Variants in SNRNP35 observed in about 807,000 individuals in gnomAD.
SNRNP35 encodes the protein U11/U12 small nuclear ribonucleoprotein 35 kDa protein.
Under a neutral mutation model 24.3 loss-of-function variants are expected in SNRNP35, and 16 were observed. The ratio of observed to expected loss-of-function variants is 0.66; its 90% CI spans 0.45 to 1.00. The LOEUF (loss-of-function observed/expected upper bound fraction) is 1.00, where lower values mean the gene tolerates loss of function less well. SNRNP35 is among the 50% of genes least tolerant of loss of function. SNRNP35 has a pLI of 0.00. For missense variants in SNRNP35, 292 were observed against 327.2 expected, an observed-to-expected ratio of 0.89 and a Z score of 0.83; for synonymous variants, 106 against 124.8, an observed-to-expected ratio of 0.85 and a Z score of 1.00.
chr12:123,468,771 T>C (rs1881067729), downstream of SNRNP35, among the ~76,000 whole-genome samples: 1 of 152,164 alleles, frequency 6.6e-6, no homozygotes, highest in Non-Finnish European at 1.5e-5. Flanking sequence ...GTGGTGACTT[T>C]GAAAGAAAAA....
intron 1 of SNRNP35, among the ~76,000 whole-genome samples, chr12:123,462,908 A>G (rs912140894): frequency 1.3e-5 from 2 of 152,170 alleles, no homozygotes; most frequent in Non-Finnish European, 2.9e-5. Context: ...CTCCCCCTAT[A>G]TAACCCATCA....
chr12:123,464,897 C>G (rs1394436934), intron 1 of SNRNP35: 1 of 152,162 alleles, frequency 6.6e-6, no homozygotes, highest in East Asian at 1.9e-4. Context: ...CCTGTTTTCT[C>G]TTGTAGTTTT....
downstream of SNRNP35, among the ~76,000 whole-genome samples, chr12:123,467,535 C>T (rs554668638): frequency 2.8e-4 from 42 of 152,168 alleles, no homozygotes; most frequent in Non-Finnish European, 5.1e-4. Flanking sequence ...CTTCTGAGGA[C>T]TTTGAGCAAG....
In SNRNP35 at chr12:123,465,595, A is replaced by G. The variant is rs1593516405; in HGVS notation, c.55A>G (p.Ile19Val). Residue 19 changes from isoleucine to valine, a missense_variant, in exon 2 of 2, where the codon ATT (isoleucine) becomes GTT (valine). Transcript: ENST00000526639. This position sits in a 1 kb window ranked among gnomAD's most constrained non-coding sequence, Gnocchi z 4.2. Reference protein sequence around the residue: ...KEYDPLKAGSIDGTDEDPHDR... With the variant: ...KEYDPLKAGSVDGTDEDPHDR... Reference sequence around the variant, plus strand: ...GTATGATCCACTCAAAGCGGGCAGCATTGATGGCACCGATGAAGACCCACA... The same window carrying G: ...GTATGATCCACTCAAAGCGGGCAGCGTTGATGGCACCGATGAAGACCCACA... 6.2e-7 allele frequency: 1 copy of G among 1,600,646 alleles called. No homozygotes were observed. Among genetic ancestry groups the G allele is most frequent in the Non-Finnish European group, 8.5e-7 (1 of 1,173,854 alleles).
chr12:123,468,196 TAAAAATACA>T (rs1438528649), downstream of SNRNP35, among the ~76,000 whole-genome samples: 1 of 150,880 alleles, frequency 6.6e-6, no homozygotes, highest in East Asian at 2.0e-4. Context: ...CCATCCCTAC[TAAAAATACA>T]AAAATTAACT....
At chr12:123,464,823 C>G (rs1880853748) in intron 1 of SNRNP35, 1 of 152,212 alleles carries the variant, frequency 6.6e-6, no homozygotes, top group African/African-American at 2.4e-5. Flanking sequence ...AACCCGCTCC[C>G]GCTGCTGGGT....
exon 2 of SNRNP35, chr12:123,472,621 G>A: frequency 3.1e-6 from 5 of 1,589,296 alleles, no homozygotes; most frequent in Non-Finnish European, 4.3e-6. Flanking sequence ...AAGGACTCCT[G>A]GATGTGCACG....
In SNRNP35 at chr12:123,465,471, T is replaced by A. The variant is rs1459100454; in HGVS notation, c.-3-67T>A. The A allele has an allele frequency of 1.6e-5, 23 of 1,479,762 alleles. 1 individual carries two copies. The East Asian group carries it at 4.2e-4, about 27-fold the overall frequency. The allele number at this position is 1,479,762 out of a possible 1,614,324, so 91.7% of individuals were successfully genotyped here. A position where few individuals can be genotyped will look rare whatever the true frequency, so the allele number is the denominator to read the frequency against. ...AATGATAGTATCCTTTTCATGGCATTGTTGTAAGGGTTGAATGAGTGGCTC... is the reference window on the plus strand; with the variant it reads ...AATGATAGTATCCTTTTCATGGCATAGTTGTAAGGGTTGAATGAGTGGCTC... On this transcript the variant is annotated intron_variant, in intron 1 of 1. Coordinates refer to ENST00000526639, the MANE Select transcript of SNRNP35 (RefSeq NM_022717.4). This position sits in a 1 kb window ranked among gnomAD's most constrained non-coding sequence, Gnocchi z 4.2.
In SNRNP35 at chr12:123,466,215, G is replaced by GGA; in HGVS notation, c.685_686dup (p.Asp230GlyfsTer44). The GGA allele has an allele frequency of 1.3e-6, 2 of 1,565,596 alleles. No individual in the cohort carries two copies. Among genetic ancestry groups the GGA allele is most frequent in the Admixed American group, 2.0e-5 (1 of 50,320 alleles). ...CCAGGGTGTGGCCCGACAATGACTG[G>GGA]GAGAGAGAGAGGGACTTCAGAGATG... On this transcript the variant is annotated frameshift_variant, in exon 2 of 2. Transcript: ENST00000526639. LOFTEE classifies it high-confidence loss of function.
downstream of SNRNP35, chr12:123,467,070 C>T (rs1422435014): frequency 6.6e-6 from 1 of 152,216 alleles, no homozygotes; most frequent in Non-Finnish European, 1.5e-5. Flanking sequence ...TCCTCTGAGT[C>T]CTTAGAGGAA....
At chr12:123,462,738 G>A (rs553701118) in intron 1 of SNRNP35, among the ~76,000 whole-genome samples, 2 of 151,966 alleles carry the variant, frequency 1.3e-5, no homozygotes, top group South Asian at 2.1e-4. Flanking sequence ...TGATCCTCCC[G>A]TCTTGGCCTC....
intron 1 of SNRNP35, chr12:123,459,764 G>C: frequency 1.5e-6 from 2 of 1,377,952 alleles, no homozygotes; most frequent in Non-Finnish European, 1.0e-6. Context: ...TCCAGCCTGG[G>C]TGACAGAGTG....
Position 123,465,735 on chromosome 12 carries a change from CAAATT to C in SNRNP35, c.199_203del (p.Leu67GlyfsTer8). ...GACTAAACTTGCAGACCAAGGAGGA[CAAATT>C]AAAGGAAGTCTTTTCCCGCTATGGT... On this transcript the variant is annotated frameshift_variant, in exon 2 of 2. Transcript: ENST00000526639. LOFTEE classifies it high-confidence loss of function. This position sits in a 1 kb window ranked among gnomAD's most constrained non-coding sequence, Gnocchi z 4.2. 6.2e-7 allele frequency: 1 copy of C among 1,613,814 alleles called. No individual in the cohort carries two copies. Among genetic ancestry groups the C allele is most frequent in the East Asian group, 2.2e-5 (1 of 44,878 alleles).
At chr12:123,468,174 C>T (rs1008493225), downstream of SNRNP35, among the ~76,000 whole-genome samples, 1 of 150,684 alleles carries the variant, frequency 6.6e-6, no homozygotes, top group Non-Finnish European at 1.5e-5. Context: ...TCCTGGCCAA[C>T]ATGGTAAAGC....
exon 2 of SNRNP35, chr12:123,472,387 C>G: frequency 1.3e-6 from 1 of 758,928 alleles, no homozygotes; most frequent in Non-Finnish European, 2.1e-6. Context: ...TTTTCAATGT[C>G]CATCCTCAAA....
At chr12:123,463,777 T>A (rs922067061) in intron 1 of SNRNP35, among the ~76,000 whole-genome samples, 25 of 151,676 alleles carry the variant, frequency 1.6e-4, no homozygotes, top group East Asian at 7.8e-4. Context: ...TTTTATTTTT[T>A]TTTTTGAGAC....
Position 123,465,502 on chromosome 12 carries a change from A to G in SNRNP35, c.-3-36A>G. ...AAGGGTTGAATGAGTGGCTCAGAGTAGAGGCTCCATCCACGCTTGCTCTTA... is the reference window on the plus strand; with the variant it reads ...AAGGGTTGAATGAGTGGCTCAGAGTGGAGGCTCCATCCACGCTTGCTCTTA... On this transcript the variant is annotated intron_variant, in intron 1 of 1. Coordinates refer to ENST00000526639, the MANE Select transcript of SNRNP35 (RefSeq NM_022717.4). The surrounding 1 kb of genome is among the most constrained non-coding windows in gnomAD (Gnocchi z 4.2). 6.6e-7 allele frequency: 1 copy of G among 1,518,832 alleles called. No homozygotes were observed. The allele number at this position is 1,518,832 out of a possible 1,614,324, so 94.1% of individuals were successfully genotyped here. A position where few individuals can be genotyped will look rare whatever the true frequency, so the allele number is the denominator to read the frequency against.
chr12:123,472,630 C>G, exon 2 of SNRNP35: 1 of 1,593,344 alleles, frequency 6.3e-7, no homozygotes, highest in South Asian at 1.1e-5. Context: ...TGGATGTGCA[C>G]GTTTCTCTGT....
At position 123,465,416 on chromosome 12, in the gene SNRNP35, C is replaced by A; in HGVS notation, c.-3-122C>A. ...GGAGGACTTAGCCTCTGTGGGTGTT[C>A]CCTTCCTTTCCTGTTTTTAAGAAGA... On this transcript the variant is annotated intron_variant, in intron 1 of 1. Coordinates refer to ENST00000526639, the MANE Select transcript of SNRNP35 (RefSeq NM_022717.4). This position sits in a 1 kb window ranked among gnomAD's most constrained non-coding sequence, Gnocchi z 4.2. 1 of 1,210,232 alleles carries A rather than the reference C, an allele frequency of 8.3e-7. No homozygotes were observed. The highest frequency in any genetic ancestry group is 1.5e-5 in the African/African-American group (1 of 65,566). 75.0% of individuals were successfully genotyped at this position (1,210,232 alleles called of 1,614,324 possible).
Sources: allele counts gnomAD v4.1 joint callset (sites outside exome capture counted in the v4.1 genomes callset), GRCh38; gene constraint gnomAD v4.1.1; non-coding constraint Gnocchi (gnomAD v3.1); transcripts MANE v1.5; gene names NCBI Gene and HGNC (gene_info 2026-07-23, HGNC 2026-07-21).